NDUFS4: variants seen among roughly 807,000 people sequenced by gnomAD.
NDUFS4 encodes NADH dehydrogenase [ubiquinone] iron-sulfur protein 4, mitochondrial.
NDUFS4 carries 28 observed loss-of-function variants against 24.3 expected under a neutral mutation model. That is an observed-to-expected ratio of 1.15 (90% CI 0.85 to 1.58). NDUFS4 has a LOEUF of 1.58. NDUFS4 is among the 40% of genes most tolerant of loss of function. NDUFS4 has a pLI of 0.00. For synonymous variants in NDUFS4, 93 were observed against 69.7 expected, an observed-to-expected ratio of 1.34 and a Z score of -1.67; for missense variants, 223 against 207.9, an observed-to-expected ratio of 1.07 and a Z score of -0.45.
intron 2 of NDUFS4, among the ~76,000 whole-genome samples, chr5:53,637,369 T>C (rs1420168011): frequency 6.6e-6 from 1 of 152,194 alleles, no homozygotes; most frequent in Non-Finnish European, 1.5e-5. Flanking sequence ...TTTCTTAAAG[T>C]TATTTGGTTG....
intron 4 of NDUFS4, among the ~76,000 whole-genome samples, chr5:53,670,271 G>T (rs1056550648): frequency 1.1e-4 from 17 of 151,502 alleles, no homozygotes; most frequent in Non-Finnish European, 2.1e-4. Flanking sequence ...TGGTTTTCCT[G>T]GTACTATGAT....
chr5:53,637,071 T>G (rs1751578307), intron 2 of NDUFS4, among the ~76,000 whole-genome samples: 1 of 152,222 alleles, frequency 6.6e-6, no homozygotes, highest in Non-Finnish European at 1.5e-5. Flanking sequence ...AGGCTCTTTT[T>G]AAGTCTGCTT....
intron 2 of NDUFS4, among the ~76,000 whole-genome samples, chr5:53,629,242 G>C (rs1244211598): frequency 6.6e-6 from 1 of 152,218 alleles, no homozygotes; most frequent in African/African-American, 2.4e-5. Context: ...TGGTCTGAGA[G>C]ACAGTTTCTT....
At chr5:53,616,520 G>A (rs1405223518) in intron 2 of NDUFS4, among the ~76,000 whole-genome samples, 1 of 152,062 alleles carries the variant, frequency 6.6e-6, no homozygotes, top group African/African-American at 2.4e-5. Context: ...AGCTGTGTGA[G>A]TATCTAAGGT....
chr5:53,580,142 C>G (rs1386962750), intron 1 of NDUFS4, among the ~76,000 whole-genome samples: 1 of 152,180 alleles, frequency 6.6e-6, no homozygotes, highest in Admixed American at 6.5e-5. Flanking sequence ...TCATTATCCA[C>G]CATGACTTCA....
intron 1 of NDUFS4, among the ~76,000 whole-genome samples, chr5:53,580,647 TTCTTTCTTTCTTTCTCTC>T (rs1241565289): frequency 3.4e-5 from 5 of 148,140 alleles, no homozygotes; most frequent in Admixed American, 2.0e-4. Context: ...CTTATTTATT[TTCTTTCTTTCTTTCTCTC>T]TCTTTCTTTC....
intron 4 of NDUFS4, among the ~76,000 whole-genome samples, chr5:53,670,407 G>A (rs1752631045): frequency 6.6e-6 from 1 of 151,654 alleles, no homozygotes; most frequent in Admixed American, 6.6e-5. Context: ...AGTGTAAAAT[G>A]CACACTGAAT....
chr5:53,642,698 A>T (rs1231129749), intron 2 of NDUFS4, among the ~76,000 whole-genome samples: 1 of 152,188 alleles, frequency 6.6e-6, no homozygotes, highest in Non-Finnish European at 1.5e-5. Flanking sequence ...GTATTTTATC[A>T]TGGAAATTGG....
At chr5:53,665,753 T>A (rs1384563300) in intron 4 of NDUFS4, among the ~76,000 whole-genome samples, 1 of 152,210 alleles carries the variant, frequency 6.6e-6, no homozygotes, top group Non-Finnish European at 1.5e-5. Flanking sequence ...GAAAGGGAAT[T>A]CCCTGACCCC....
chr5:53,566,184 T>C (rs1184760434), intron 1 of NDUFS4, among the ~76,000 whole-genome samples: 2 of 152,038 alleles, frequency 1.3e-5, no homozygotes, highest in African/African-American at 4.8e-5. Flanking sequence ...AAGTTAATAA[T>C]ACACGGAACT....
intron 3 of NDUFS4, among the ~76,000 whole-genome samples, chr5:53,654,871 A>G (rs1752119193): frequency 6.6e-6 from 1 of 152,186 alleles, no homozygotes; most frequent in South Asian, 2.1e-4. Flanking sequence ...AATAATATTA[A>G]ATAGGCTTTG....
chr5:53,598,866 CA>C (rs1750218041), intron 1 of NDUFS4, among the ~76,000 whole-genome samples: 1 of 152,050 alleles, frequency 6.6e-6, no homozygotes, highest in South Asian at 2.1e-4. Context: ...TTACCTTGAC[CA>C]GTAATGGTAA....
chr5:53,624,899 CATATT>C (rs1331808749), intron 2 of NDUFS4, among the ~76,000 whole-genome samples: 1 of 152,084 alleles, frequency 6.6e-6, no homozygotes, highest in Non-Finnish European at 1.5e-5. Context: ...TCTTTTTCCT[CATATT>C]AGAGGAAAAG....
intron 3 of NDUFS4, among the ~76,000 whole-genome samples, chr5:53,656,502 C>T (rs959096411): frequency 6.6e-6 from 1 of 152,102 alleles, no homozygotes; most frequent in Non-Finnish European, 1.5e-5. Flanking sequence ...TTTGGATGGA[C>T]TTCCATGTGC....
At chr5:53,568,226 C>T (rs554166933) in intron 1 of NDUFS4, among the ~76,000 whole-genome samples, 40 of 152,104 alleles carry the variant, frequency 2.6e-4, no homozygotes, top group African/African-American at 9.6e-4. Context: ...GCTCATTCTC[C>T]AGTTCACTGG....
At chr5:53,620,985 T>G (rs1751017523) in intron 2 of NDUFS4, among the ~76,000 whole-genome samples, 1 of 152,194 alleles carries the variant, frequency 6.6e-6, no homozygotes, top group East Asian at 1.9e-4. Flanking sequence ...TACTCACATT[T>G]TGTATATCTT....
intron 1 of NDUFS4, among the ~76,000 whole-genome samples, chr5:53,565,153 C>T (rs926362084): frequency 2.0e-5 from 3 of 152,206 alleles, no homozygotes; most frequent in Non-Finnish European, 1.5e-5. Context: ...GGTAGGTGTA[C>T]TCCAGGTGGG....
At chr5:53,586,008 A>G (rs1464406795) in intron 1 of NDUFS4, among the ~76,000 whole-genome samples, 2 of 152,138 alleles carry the variant, frequency 1.3e-5, no homozygotes, top group African/African-American at 2.4e-5. Flanking sequence ...TGACTAGTAT[A>G]GAATATTTTC....
chr5:53,625,621 G>A (rs141204670), intron 2 of NDUFS4, among the ~76,000 whole-genome samples: 6 of 152,004 alleles, frequency 3.9e-5, no homozygotes, highest in African/African-American at 1.4e-4. Flanking sequence ...TCTTCTGTTG[G>A]TGTCCAATTT....
Sources: gnomAD v4.1 joint callset for allele counts (sites outside exome capture counted in the v4.1 genomes callset) on GRCh38, gnomAD v4.1.1 for gene constraint, MANE v1.5 for transcripts, NCBI Gene and HGNC (gene_info 2026-07-23, HGNC 2026-07-21) for gene names.